The following ZSWIM7 variants were observed in gnomAD, a reference collection of about 807,000 sequenced individuals.
The protein encoded by ZSWIM7 is zinc finger SWIM-type containing 7, also known as zinc finger SWIM domain-containing protein 7.
In ZSWIM7, 22 loss-of-function variants were observed where a neutral mutation model predicts 21.1. The ratio of observed to expected loss-of-function variants is 1.04; its 90% CI spans 0.74 to 1.49. The LOEUF is 1.49. Ranked by LOEUF, ZSWIM7 falls within the 40% of genes most tolerant of loss-of-function variation. ZSWIM7 has a pLI of 0.00. For synonymous variants in ZSWIM7, 67 were observed against 66.5 expected (o/e 1.01, Z -0.04); for missense variants, 193 against 168.0 (o/e 1.15, Z -0.82).
intron 4 of ZSWIM7, among the ~76,000 whole-genome samples, chr17:15,978,940 ACTCT>A (rs1013344072): frequency 5.8e-5 from 8 of 137,312 alleles, no homozygotes; most frequent in Non-Finnish European, 9.4e-5. Context: ...TCTCTAGGCT[ACTCT>A]CTCTTTTTTT....
chr17:15,995,392 A>C (rs959618558), intron 1 of ZSWIM7, among the ~76,000 whole-genome samples: 3 of 151,734 alleles, frequency 2.0e-5, no homozygotes, highest in Non-Finnish European at 4.4e-5. Context: ...CTCAGCCTAC[A>C]GAGTAGCTGG....
chr17:15,990,220 A>C lies in ZSWIM7; in HGVS notation c.99-2852T>G, dbSNP rs1267295480. Reference sequence around the variant, plus strand: ...GGGTGACAGAGCGAAACTCTGTCTCAAAAAAAAAAAAAAAAAAGCAATAAA... The same window carrying C: ...GGGTGACAGAGCGAAACTCTGTCTCCAAAAAAAAAAAAAAAAAGCAATAAA... On this transcript the variant is annotated intron_variant, in intron 2 of 4. Coordinates refer to ENST00000399277, the MANE Select transcript of ZSWIM7 (RefSeq NM_001042697.2). 3.5e-5 allele frequency among the ~76,000 whole-genome samples: 3 copies of C among 86,940 alleles called. No individual in the cohort carries two copies. The East Asian group carries it at 2.3e-3, about 68-fold the overall frequency. 57.0% of individuals were successfully genotyped at this position (86,940 alleles called of 152,430 possible).
At chr17:15,981,860 G>T (rs968506579) in intron 3 of ZSWIM7, among the ~76,000 whole-genome samples, 6 of 152,210 alleles carry the variant, frequency 3.9e-5, no homozygotes, top group Non-Finnish European at 7.3e-5. Context: ...AGGCTGCAGT[G>T]AGCTGTGACT....
intron 2 of ZSWIM7, 92 bp from the exon 3 acceptor site, chr17:15,987,460 A>T (rs544441191): frequency 2.7e-6 from 3 of 1,104,630 alleles, no homozygotes; most frequent in Admixed American, 2.7e-5. Context: ...AGTATTTTTT[A>T]AAAATTCATT....
intron 1 of ZSWIM7, among the ~76,000 whole-genome samples, chr17:15,997,802 A>AG (rs1271746939): frequency 6.6e-6 from 1 of 151,986 alleles, no homozygotes; most frequent in Non-Finnish European, 1.5e-5. Flanking sequence ...TTCTTGTTGG[A>AG]GGGAAAAAAC....
At chr17:15,998,726 T>C (rs1970603691) in intron 1 of ZSWIM7, among the ~76,000 whole-genome samples, 1 of 151,130 alleles carries the variant, frequency 6.6e-6, no homozygotes, top group African/African-American at 2.4e-5. Flanking sequence ...CGATTGCATA[T>C]GCATTTAGGT....
intron 3 of ZSWIM7, among the ~76,000 whole-genome samples, chr17:15,982,946 C>A (rs1970372088): frequency 6.6e-6 from 1 of 152,152 alleles, no homozygotes; most frequent in Non-Finnish European, 1.5e-5. Context: ...AGCTACCACA[C>A]CCAGCCTCAG....
At chr17:15,989,386 C>CG (rs1471907212) in intron 2 of ZSWIM7, among the ~76,000 whole-genome samples, 1 of 151,434 alleles carries the variant, frequency 6.6e-6, no homozygotes, top group Non-Finnish European at 1.5e-5. Flanking sequence ...GGCACAATCT[C>CG]GGCTCACTGC....
chr17:15,979,401 C>T (rs1970318753), intron 4 of ZSWIM7, among the ~76,000 whole-genome samples: 1 of 152,248 alleles, frequency 6.6e-6, no homozygotes, highest in Admixed American at 6.5e-5. Context: ...TCCACACAGA[C>T]ACAGCAACCA....
chr17:15,991,140 C>A (rs1970476737), intron 2 of ZSWIM7: 1 of 148,408 alleles, frequency 6.7e-6, no homozygotes, highest in Admixed American at 6.6e-5. Flanking sequence ...CCTGCTCTGT[C>A]CACTTTAATA....
chr17:15,981,471 G>A (rs193098899), intron 3 of ZSWIM7, among the ~76,000 whole-genome samples: 2 of 149,100 alleles, frequency 1.3e-5, no homozygotes, highest in East Asian at 2.0e-4. Flanking sequence ...AAGGAAGTGG[G>A]GGGGGGGAAT....
intron 2 of ZSWIM7, among the ~76,000 whole-genome samples, chr17:15,989,291 A>G (rs1396347393): frequency 6.6e-6 from 1 of 151,992 alleles, no homozygotes; most frequent in African/African-American, 2.4e-5. Flanking sequence ...TTTAAAGGAA[A>G]CCTACAATTA....
intron 3 of ZSWIM7, 59 bp from the exon 4 acceptor site, chr17:15,981,203 C>T: frequency 1.6e-6 from 2 of 1,281,718 alleles, no homozygotes; most frequent in Non-Finnish European, 2.2e-6. Flanking sequence ...CCACCTCTTT[C>T]CCTTTTTATT....
chr17:15,989,357 G>A (rs1324626966), intron 2 of ZSWIM7, among the ~76,000 whole-genome samples: 1 of 150,864 alleles, frequency 6.6e-6, no homozygotes, highest in African/African-American at 2.4e-5. Flanking sequence ...TCACTCTGGT[G>A]TCCAGGCTGG....
At chr17:15,986,728 G>A (rs973619689) in intron 3 of ZSWIM7, 3 of 152,156 alleles carry the variant, frequency 2.0e-5, no homozygotes, top group Non-Finnish European at 4.4e-5. Context: ...GGAGAAATAA[G>A]TTCAGGGTAT....
chr17:15,993,602 A>G (rs1416556094), intron 2 of ZSWIM7, among the ~76,000 whole-genome samples, 155 bp downstream of exon 2: 1 of 151,226 alleles, frequency 6.6e-6, no homozygotes, highest in Non-Finnish European at 1.5e-5. Flanking sequence ...TCCTGACTTC[A>G]TGATCCACTC....
At chr17:15,994,047 T>C (rs1451410537) in intron 1 of ZSWIM7, among the ~76,000 whole-genome samples, 2 of 152,154 alleles carry the variant, frequency 1.3e-5, no homozygotes, top group African/African-American at 4.8e-5. Flanking sequence ...CTCCCGGGTT[T>C]AAACCATTCT....
chr17:15,982,768 A>G (rs1970370033), intron 3 of ZSWIM7, among the ~76,000 whole-genome samples: 1 of 152,080 alleles, frequency 6.6e-6, no homozygotes, highest in Non-Finnish European at 1.5e-5. Context: ...CTCCCACTTC[A>G]GTCTCCTGAG....
chr17:15,999,304 A>C, intron 1 of ZSWIM7: 2 of 672,232 alleles, frequency 3.0e-6, no homozygotes, highest in Non-Finnish European at 2.6e-6. Context: ...GCTGTACCGT[A>C]AATATTTGCT....
Sources: gnomAD v4.1 joint callset for allele counts (sites outside exome capture counted in the v4.1 genomes callset) on GRCh38, gnomAD v4.1.1 for gene constraint, MANE v1.5 for transcripts, NCBI Gene and HGNC (gene_info 2026-07-23, HGNC 2026-07-21) for gene names.